Variants in ADCY8 observed in about 807,000 individuals in gnomAD.
ADCY8 encodes adenylate cyclase type 8.
A neutral mutation model predicts 119.7 loss-of-function variants in ADCY8; 51 were observed. The ratio of observed to expected loss-of-function variants is 0.43; its 90% CI spans 0.34 to 0.54. ADCY8 has a LOEUF of 0.54. Ranked by LOEUF, ADCY8 falls within the 20% of genes least tolerant of loss-of-function variation. ADCY8 has a pLI of 0.03. For missense variants in ADCY8, 1,383 were observed against 1,598.8 expected (o/e 0.87, Z 2.30); for synonymous variants, 665 against 651.0 (o/e 1.02, Z -0.33).
At chr8:130,898,450 GT>G (rs1231830874) in intron 7 of ADCY8, among the ~76,000 whole-genome samples, 17 of 152,134 alleles carry the variant, frequency 1.1e-4, no homozygotes, top group Admixed American at 1.1e-3. Context: ...AATCCTCATG[GT>G]AAACACATTA....
At chr8:130,858,166 C>T (rs72712486) in intron 9 of ADCY8, among the ~76,000 whole-genome samples, 14,076 of 133,918 alleles carry the variant, frequency 0.11, 695 homozygotes, top group African/African-American at 0.13. Context: ...TTAGCCATAT[C>T]TCCAAAATTG....
chr8:131,034,252 A>AT (rs1824081685), intron 1 of ADCY8, among the ~76,000 whole-genome samples: 1 of 152,168 alleles, frequency 6.6e-6, no homozygotes, highest in Non-Finnish European at 1.5e-5. Flanking sequence ...AGACTTAGAC[A>AT]AAGAACATAT....
intron 7 of ADCY8, among the ~76,000 whole-genome samples, chr8:130,887,404 G>A (rs1819030270): frequency 6.6e-6 from 1 of 152,142 alleles, no homozygotes; most frequent in South Asian, 2.1e-4. Context: ...TTGGGAAGGA[G>A]CTCCTTTCAT....
At chr8:130,972,189 C>A (rs1434367084) in intron 2 of ADCY8, among the ~76,000 whole-genome samples, 1 of 152,118 alleles carries the variant, frequency 6.6e-6, no homozygotes, top group African/African-American at 2.4e-5. Context: ...TTGACAAAAC[C>A]ATTACCAACC....
chr8:130,878,785 G>A (rs145280442), intron 8 of ADCY8, among the ~76,000 whole-genome samples: 1,933 of 152,190 alleles, frequency 0.013, 47 homozygotes, highest in African/African-American at 0.044. Flanking sequence ...TTTTCTCAAA[G>A]CAATTAAGAA....
chr8:130,782,126 G>A (rs1468693956), intron 17 of ADCY8, among the ~76,000 whole-genome samples: 1 of 152,168 alleles, frequency 6.6e-6, no homozygotes, highest in Non-Finnish European at 1.5e-5. Flanking sequence ...TTGTTGAGCA[G>A]AGAATATGGT....
intron 2 of ADCY8, among the ~76,000 whole-genome samples, chr8:130,958,161 G>T (rs1050783732): frequency 2.0e-5 from 3 of 152,170 alleles, no homozygotes; most frequent in Admixed American, 6.5e-5. Context: ...ATAATCCCTT[G>T]GGAGGACCCA....
chr8:130,870,102 C>T (rs578006990), intron 8 of ADCY8, among the ~76,000 whole-genome samples: 1 of 150,456 alleles, frequency 6.6e-6, no homozygotes, highest in East Asian at 2.0e-4. Context: ...CAACCTCTGT[C>T]TCCTGGGTTC....
intron 15 of ADCY8, among the ~76,000 whole-genome samples, chr8:130,798,468 G>C (rs1469360922): frequency 6.6e-6 from 1 of 152,180 alleles, no homozygotes; most frequent in Non-Finnish European, 1.5e-5. Flanking sequence ...AGCCAGGTGG[G>C]CTTGTTGGCT....
intron 3 of ADCY8, among the ~76,000 whole-genome samples, chr8:130,947,592 A>G (rs938425695): frequency 6.6e-6 from 1 of 152,210 alleles, no homozygotes; most frequent in East Asian, 1.9e-4. Context: ...TAGTGATCAC[A>G]CATGTTGACA....
chr8:130,810,740 A>C (rs573719901), intron 14 of ADCY8, among the ~76,000 whole-genome samples: 1 of 152,206 alleles, frequency 6.6e-6, no homozygotes, highest in Admixed American at 6.5e-5. Flanking sequence ...ATATTTATAA[A>C]ATCTCAAATA....
At chr8:130,784,804 T>C (rs898021976) in intron 16 of ADCY8, among the ~76,000 whole-genome samples, 1 of 152,076 alleles carries the variant, frequency 6.6e-6, no homozygotes, top group Non-Finnish European at 1.5e-5. Context: ...ATACGAAGGA[T>C]TGGAAGAAAT....
chr8:130,790,557 C>T (rs2130069968), intron 15 of ADCY8, among the ~76,000 whole-genome samples: 1 of 152,330 alleles, frequency 6.6e-6, no homozygotes, highest in African/African-American at 2.4e-5. Context: ...ATCTACTCTG[C>T]TGAGACTTTA....
At chr8:130,814,540 C>T (rs1816276782) in intron 13 of ADCY8, among the ~76,000 whole-genome samples, 1 of 152,136 alleles carries the variant, frequency 6.6e-6, no homozygotes, top group Non-Finnish European at 1.5e-5. Context: ...AGTCCATTCT[C>T]GTGGTGCTAA....
chr8:131,017,242 G>T (rs1823505856), intron 1 of ADCY8, among the ~76,000 whole-genome samples: 1 of 152,002 alleles, frequency 6.6e-6, no homozygotes, highest in South Asian at 2.1e-4. Context: ...GCTAATTTGT[G>T]TATTTTTAGT....
chr8:130,898,670 T>A (rs759246757), intron 7 of ADCY8, among the ~76,000 whole-genome samples: 2 of 152,160 alleles, frequency 1.3e-5, no homozygotes, highest in Non-Finnish European at 2.9e-5. Flanking sequence ...GGAAACAAAT[T>A]CCAGGCTCTG....
At chr8:131,027,605 G>T (rs1823861211) in intron 1 of ADCY8, among the ~76,000 whole-genome samples, 1 of 152,206 alleles carries the variant, frequency 6.6e-6, no homozygotes. Context: ...ATTTCATGTA[G>T]ATATCAGACG....
At chr8:130,829,128 G>A (rs148224153) in intron 12 of ADCY8, among the ~76,000 whole-genome samples, 37 of 152,284 alleles carry the variant, frequency 2.4e-4, no homozygotes, top group East Asian at 7.7e-4. Flanking sequence ...CCGAGGTCAC[G>A]CCTGCAACCA....
Position 130,836,581 on chromosome 8 carries a change from C to T in ADCY8, c.2503-132G>A, listed in dbSNP as rs908984422. 36 of 855,762 alleles carry T rather than the reference C, an allele frequency of 4.2e-5. No individual in the cohort carries two copies. The African/African-American group carries it at 5.6e-4, about 13-fold the overall frequency. 53.0% of individuals were successfully genotyped at this position (855,762 alleles called of 1,614,324 possible). ...GGAGGTCTCAAGGCCTCCTGAAATT[C>T]AACAGGTCCCAAATCAAACTCTTCA... On this transcript the variant is annotated intron_variant, in intron 11 of 17. Coordinates refer to ENST00000286355, the MANE Select transcript of ADCY8 (RefSeq NM_001115.3).
Sources: allele counts gnomAD v4.1 joint callset (sites outside exome capture counted in the v4.1 genomes callset), GRCh38; gene constraint gnomAD v4.1.1; transcripts MANE v1.5; gene names NCBI Gene and HGNC (gene_info 2026-07-23, HGNC 2026-07-21).